RTN4IP1: variants seen among roughly 807,000 people sequenced by gnomAD.
RTN4IP1 encodes the protein reticulon 4 interacting protein 1.
A neutral mutation model predicts 46.6 loss-of-function variants in RTN4IP1; 32 were observed. The observed-to-expected ratio is 0.69, with a 90% CI of 0.52 to 0.92. RTN4IP1 has a LOEUF of 0.92. Among genes scored for constraint, RTN4IP1 ranks in the 40% least tolerant of loss-of-function variants. RTN4IP1 has a pLI of 0.00. For synonymous variants in RTN4IP1, 167 were observed against 161.8 expected (o/e 1.03, Z -0.24); for missense variants, 424 against 485.8 (o/e 0.87, Z 1.20).
chr6:106,628,425 G>C (rs1366356345), intron 1 of RTN4IP1, among the ~76,000 whole-genome samples: 1 of 151,780 alleles, frequency 6.6e-6, no homozygotes, highest in African/African-American at 2.4e-5. Context: ...CTGAGATCAG[G>C]CCACCGCACT....
chr6:106,597,307 G>T (rs1775819866), intron 5 of RTN4IP1, among the ~76,000 whole-genome samples: 1 of 151,926 alleles, frequency 6.6e-6, no homozygotes. Flanking sequence ...AATTTTCCTT[G>T]CCTGTCATCA....
intron 4 of RTN4IP1, among the ~76,000 whole-genome samples, chr6:106,606,596 T>C (rs1191571514): frequency 6.6e-6 from 1 of 151,862 alleles, no homozygotes; most frequent in Non-Finnish European, 1.5e-5. Flanking sequence ...TAATGAAAAC[T>C]AGAAACACTG....
chr6:106,582,146 T>C (rs1056554252), intron 8 of RTN4IP1, among the ~76,000 whole-genome samples: 1 of 152,200 alleles, frequency 6.6e-6, no homozygotes, highest in African/African-American at 2.4e-5. Context: ...TCCTCTTATA[T>C]AGTTCCTTGG....
Position 106,602,934 on chromosome 6 carries a change from A to C in RTN4IP1, c.621-12T>G. 6.3e-7 allele frequency: 1 copy of C among 1,596,136 alleles called. No individual in the cohort carries two copies. Among genetic ancestry groups the C allele is most frequent in the Admixed American group, 1.8e-5 (1 of 56,520 alleles). The stretch of plus-strand genomic sequence containing the variant: ...CTAAGATTAGAACACTGAAATGCAA[A>C]GGAAACCACAATTAACGAGAATCTA... On this transcript the variant is annotated splice_polypyrimidine_tract_variant and intron_variant, in intron 4 of 8. Transcript: ENST00000369063.
At chr6:106,600,334 C>T (rs974317118) in intron 5 of RTN4IP1, among the ~76,000 whole-genome samples, 3 of 151,664 alleles carry the variant, frequency 2.0e-5, no homozygotes, top group South Asian at 2.1e-4. Flanking sequence ...CACATCTGAC[C>T]ACAACAGGAG....
chr6:106,600,545 T>G (rs1775917516), intron 5 of RTN4IP1, among the ~76,000 whole-genome samples: 1 of 152,052 alleles, frequency 6.6e-6, no homozygotes, highest in Non-Finnish European at 1.5e-5. Context: ...AGAATAAGCC[T>G]CACACTCATT....
At chr6:106,574,142 T>C (rs1233429962) in intron 8 of RTN4IP1, among the ~76,000 whole-genome samples, 1 of 152,184 alleles carries the variant, frequency 6.6e-6, no homozygotes, top group African/African-American at 2.4e-5. Flanking sequence ...TGTTGCAGAA[T>C]GGAATGCATT....
At position 106,621,416 on chromosome 6, in the gene RTN4IP1, G is replaced by GT. The variant is rs777031207; in HGVS notation, c.495+8dup. Reference sequence around the variant, plus strand: ...TTTCTAATGCATTTCAGCAGAGTTGGTAAGTTACCTCATTCCCACTGACTA... The same window carrying GT: ...TTTCTAATGCATTTCAGCAGAGTTGGTTAAGTTACCTCATTCCCACTGACTA... On this transcript the variant is annotated intron_variant, in intron 3 of 8. Transcript: ENST00000369063. 6.2e-7 allele frequency: 1 copy of GT among 1,604,278 alleles called. No individual in the cohort carries two copies. The highest frequency in any genetic ancestry group is 1.7e-5 in the Admixed American group (1 of 59,998).
chr6:106,617,617 T>TA (rs1236319168), intron 4 of RTN4IP1, among the ~76,000 whole-genome samples: 2 of 151,964 alleles, frequency 1.3e-5, no homozygotes, highest in Admixed American at 1.3e-4. Flanking sequence ...GATAACAGAG[T>TA]ACCAAAGAAT....
chr6:106,622,777 G>C (rs1776513929), intron 2 of RTN4IP1, 41 bp downstream of exon 2: 2 of 1,582,958 alleles, frequency 1.3e-6, no homozygotes, highest in Non-Finnish European at 1.7e-6. Flanking sequence ...CAGGGTCTGT[G>C]GGTTGGATCC....
In RTN4IP1 at chr6:106,576,924, G is replaced by A. The variant is rs548148932; in HGVS notation, c.1084-4821C>T. On this transcript the variant is annotated intron_variant, in intron 8 of 8. Coordinates refer to ENST00000369063, the MANE Select transcript of RTN4IP1 (RefSeq NM_032730.5). The stretch of plus-strand genomic sequence containing the variant: ...TCTACTGGGTCAAGTAAGTGATAGT[G>A]GGCCTTCAGTAAGTGTTCTGAATTG... Among the ~76,000 whole-genome samples, 301 of 152,240 alleles carry A rather than the reference G, an allele frequency of 2.0e-3. 1 individual carries two copies. The highest frequency in any genetic ancestry group is 3.4e-3 in the Non-Finnish European group (228 of 68,032).
intron 4 of RTN4IP1, among the ~76,000 whole-genome samples, chr6:106,618,918 T>A (rs933812769): frequency 6.6e-6 from 1 of 152,166 alleles, no homozygotes; most frequent in African/African-American, 2.4e-5. Flanking sequence ...GAGAATCACA[T>A]ATAATATTTT....
chr6:106,581,515 A>C (rs1775370361), intron 8 of RTN4IP1, among the ~76,000 whole-genome samples: 1 of 152,228 alleles, frequency 6.6e-6, no homozygotes, highest in African/African-American at 2.4e-5. Flanking sequence ...AGCTGGCCTC[A>C]TCAAGGCATC....
rs1776729426 is a variant in RTN4IP1, at chr6:106,628,891, G to A, written c.131C>T (p.Pro44Leu). The A allele has an allele frequency of 6.2e-7, 1 of 1,613,988 alleles. No homozygotes were observed. The highest frequency in any genetic ancestry group is 8.5e-7 in the Non-Finnish European group (1 of 1,180,014). ...CCCATATTTATCTATCACCCAAGCA[G>A]GCATGACAGTGCTCCTAGGAGAGGT... is the stretch of plus-strand genomic sequence containing the variant. The part of the protein sequence containing the change: ...STTSPRSTVM[P>L]AWVIDKYGKN... The change falls in exon 1 of 9, where the codon CCT becomes CTT. Residue 44 changes from proline to leucine, a missense_variant. Coordinates refer to ENST00000369063, the MANE Select transcript of RTN4IP1 (RefSeq NM_032730.5).
At chr6:106,619,052 A>C (rs1372802392) in intron 4 of RTN4IP1, 150 bp downstream of exon 4, 29 of 896,384 alleles carry the variant, frequency 3.2e-5, no homozygotes, top group Non-Finnish European at 4.8e-5. Context: ...ACTGACACAA[A>C]TAGAATGCTT....
At chr6:106,580,938 G>A (rs1393089725) in intron 8 of RTN4IP1, among the ~76,000 whole-genome samples, 12 of 147,774 alleles carry the variant, frequency 8.1e-5, no homozygotes, top group Non-Finnish European at 1.3e-4. Context: ...GAATGAGAAA[G>A]CTTTTATATC....
chr6:106,576,894 C>T (rs1048718806), intron 8 of RTN4IP1, among the ~76,000 whole-genome samples: 1 of 152,170 alleles, frequency 6.6e-6, no homozygotes, highest in African/African-American at 2.4e-5. Flanking sequence ...CACATTTCTC[C>T]ACCATCTACT....
At position 106,571,006 on chromosome 6, in the gene RTN4IP1, A is replaced by G. The variant is rs370144160; in HGVS notation, c.*990T>C. ...GTGCACACTGCAATGGGTTGATTGG[A>G]GAGATATCTAAATGTAAACATTTGA... On this transcript the variant is annotated 3_prime_UTR_variant, in exon 9 of 9. Coordinates refer to ENST00000369063, the MANE Select transcript of RTN4IP1 (RefSeq NM_032730.5). 7.6e-4 allele frequency: 116 copies of G among 152,356 alleles called. No homozygotes were observed. The highest frequency in any genetic ancestry group is 2.8e-3 in the African/African-American group (115 of 41,582). The allele number at this position is 152,356 out of a possible 1,614,324, so 9.4% of individuals were successfully genotyped here.
chr6:106,611,165 C>A (rs1277210399), intron 4 of RTN4IP1, among the ~76,000 whole-genome samples: 3 of 152,122 alleles, frequency 2.0e-5, no homozygotes, highest in South Asian at 2.1e-4. Context: ...AATGCCAGGG[C>A]TGGGTATCTA....
Sources: gnomAD v4.1 joint callset for allele counts (sites outside exome capture counted in the v4.1 genomes callset) on GRCh38, gnomAD v4.1.1 for gene constraint, MANE v1.5 for transcripts, NCBI Gene and HGNC (gene_info 2026-07-23, HGNC 2026-07-21) for gene names.